RASGRP3: variants seen among roughly 807,000 people sequenced by gnomAD.
RASGRP3 encodes the protein RAS guanyl releasing protein 3.
RASGRP3 carries 54 observed loss-of-function variants against 82.7 expected under a neutral mutation model. The ratio of observed to expected loss-of-function variants is 0.65; its 90% CI spans 0.52 to 0.82. The LOEUF (loss-of-function observed/expected upper bound fraction) is 0.82. Among genes scored for constraint, RASGRP3 ranks in the 40% least tolerant of loss-of-function variants. The pLI is 0.00. For missense variants in RASGRP3, 861 were observed against 828.9 expected, an observed-to-expected ratio of 1.04 and a Z score of -0.48; for synonymous variants, 309 against 300.5, an observed-to-expected ratio of 1.03 and a Z score of -0.29.
At chr2:33,517,607 A>G (rs1338282990) in intron 4 of RASGRP3, among the ~76,000 whole-genome samples, 2 of 152,218 alleles carry the variant, frequency 1.3e-5, no homozygotes, top group African/African-American at 4.8e-5. Flanking sequence ...AGAAAAGGAT[A>G]TTAGACAGTC....
intron 1 of RASGRP3, among the ~76,000 whole-genome samples, chr2:33,507,741 G>C (rs146749088): frequency 0.042 from 6,457 of 152,186 alleles, 363 homozygotes; most frequent in African/African-American, 0.13. Context: ...GGCCAGGCTG[G>C]TCTCGAACTC....
chr2:33,560,159 T>A (rs891678486), intron 17 of RASGRP3, among the ~76,000 whole-genome samples: 5 of 152,188 alleles, frequency 3.3e-5, no homozygotes, highest in African/African-American at 1.2e-4. Context: ...TGTGCAACCA[T>A]CACTACAATC....
In RASGRP3 at chr2:33,558,833, G is replaced by T; in HGVS notation, c.1867G>T (p.Ala623Ser). ...CCAGACTGAACCTGTCTGGTCAGAG[G>T]CTGGCTGGGGGGACTCGGGGTCCCA... ...ATQTEPVWSEAGWGDSGSHTF... is the reference protein window; with the variant it reads ...ATQTEPVWSESGWGDSGSHTF... The change falls in exon 17 of 18, where the codon GCT (alanine) becomes TCT (serine). Residue 623 changes from alanine (A) to serine (S), a missense_variant. Transcript: ENST00000403687. The T allele has an allele frequency of 6.2e-7, 1 of 1,614,024 alleles. No individual in the cohort carries two copies. The highest frequency in any genetic ancestry group is 1.3e-5 in the African/African-American group (1 of 75,056).
chr2:33,549,180 T>G (rs1201661918), intron 13 of RASGRP3, among the ~76,000 whole-genome samples: 2 of 152,196 alleles, frequency 1.3e-5, no homozygotes, highest in Non-Finnish European at 2.9e-5. Context: ...AGCATCAAGC[T>G]GAATGAATTT....
chr2:33,535,222 TA>T (rs1673488151), intron 11 of RASGRP3, among the ~76,000 whole-genome samples: 1 of 152,224 alleles, frequency 6.6e-6, no homozygotes, highest in South Asian at 2.1e-4. Flanking sequence ...GCTTAGTAAA[TA>T]AACATTATAT....
chr2:33,522,727 C>G (rs1672155626), intron 7 of RASGRP3, among the ~76,000 whole-genome samples: 1 of 152,236 alleles, frequency 6.6e-6, no homozygotes, highest in African/African-American at 2.4e-5. Context: ...AATCAGCCAG[C>G]CACTTTGCTT....
At chr2:33,523,461 TAA>T (rs74978733) in intron 7 of RASGRP3, among the ~76,000 whole-genome samples, 47,913 of 144,606 alleles carry the variant, frequency 0.33, 8,396 homozygotes, top group Middle Eastern at 0.49. Flanking sequence ...GACAGTCGGT[TAA>T]AAAAAAAAAA....
chr2:33,523,841 C>T (rs1422812539), intron 7 of RASGRP3, 38 bp from the exon 8 acceptor site: 1 of 1,540,352 alleles, frequency 6.5e-7, no homozygotes, highest in Non-Finnish European at 8.8e-7. Context: ...TACAAAGGCT[C>T]TATTATAATT....
At chr2:33,505,691 G>A (rs1014524349) in intron 1 of RASGRP3, among the ~76,000 whole-genome samples, 5 of 152,170 alleles carry the variant, frequency 3.3e-5, no homozygotes, top group African/African-American at 1.2e-4. Flanking sequence ...TTTAACTTCT[G>A]AGGCTCAAGT....
chr2:33,439,463 G>A (rs1394659142), intron 1 of RASGRP3, among the ~76,000 whole-genome samples: 1 of 152,140 alleles, frequency 6.6e-6, no homozygotes, highest in African/African-American at 2.4e-5. Context: ...TGCGCCCAAG[G>A]AATAGGGCTG....
At chr2:33,515,499 G>A (rs1671372805) in intron 3 of RASGRP3, among the ~76,000 whole-genome samples, 1 of 152,074 alleles carries the variant, frequency 6.6e-6, no homozygotes, top group Non-Finnish European at 1.5e-5. Flanking sequence ...TTCTGCTTCA[G>A]GGCCCTCTCA....
chr2:33,525,909 C>T (rs1672514651), intron 9 of RASGRP3, among the ~76,000 whole-genome samples: 1 of 151,950 alleles, frequency 6.6e-6, no homozygotes, highest in South Asian at 2.1e-4. Context: ...AGACCTCTGA[C>T]TCAGGTGCTC....
chr2:33,464,110 A>AATAATTATTATTATTATT (rs1398514920), intron 2 of RASGRP3, among the ~76,000 whole-genome samples: 48 of 144,258 alleles, frequency 3.3e-4, no homozygotes, highest in Middle Eastern at 3.6e-3. Flanking sequence ...TAATAATAAT[A>AATAATTATTATTATTATT]ATTATTATTA....
chr2:33,521,887 A>G, intron 6 of RASGRP3, 68 bp from the exon 7 acceptor site: 1 of 1,528,880 alleles, frequency 6.5e-7, no homozygotes, highest in Non-Finnish European at 8.8e-7. Flanking sequence ...CAGAGTCAGT[A>G]GGTTAATAAC....
intron 1 of RASGRP3, among the ~76,000 whole-genome samples, chr2:33,508,756 C>A (rs545293048): frequency 5.3e-5 from 8 of 152,308 alleles, no homozygotes; most frequent in African/African-American, 1.9e-4. Flanking sequence ...TGATGTTTTT[C>A]TTCTCCTGGA....
chr2:33,550,648 C>T (rs1027917470), intron 14 of RASGRP3, among the ~76,000 whole-genome samples: 3 of 152,166 alleles, frequency 2.0e-5, no homozygotes, highest in African/African-American at 7.2e-5. Context: ...TGACAATCGC[C>T]CCTTTTTCTA....
intron 11 of RASGRP3, 77 bp from the exon 12 acceptor site, chr2:33,539,017 C>T (rs970393729): frequency 1.7e-5 from 18 of 1,062,472 alleles, no homozygotes; most frequent in East Asian, 7.9e-5. Context: ...CCAGCCTGGG[C>T]GACAGAACCA....
chr2:33,524,665 G>GT, intron 9 of RASGRP3, 117 bp downstream of exon 9: 1 of 747,948 alleles, frequency 1.3e-6, no homozygotes, highest in Non-Finnish European at 2.1e-6. Flanking sequence ...TAAACCAGTG[G>GT]TAGGTTATAA....
chr2:33,510,990 C>G (rs892419079), intron 1 of RASGRP3, among the ~76,000 whole-genome samples: 1 of 152,186 alleles, frequency 6.6e-6, no homozygotes, highest in African/African-American at 2.4e-5. Context: ...ATAGAGGCTT[C>G]ACAAGTCATG....
Sources: gnomAD v4.1 joint callset for allele counts (sites outside exome capture counted in the v4.1 genomes callset) on GRCh38, gnomAD v4.1.1 for gene constraint, MANE v1.5 for transcripts, NCBI Gene and HGNC (gene_info 2026-07-23, HGNC 2026-07-21) for gene names.